The following RASGRF1 variants were observed in gnomAD, a reference collection of about 807,000 sequenced individuals.
The protein encoded by RASGRF1 is ras-specific guanine nucleotide-releasing factor 1.
RASGRF1 carries 40 observed loss-of-function variants against 138.7 expected under a neutral mutation model. The observed-to-expected ratio is 0.29, with a 90% confidence interval of 0.22 to 0.38. RASGRF1 has a LOEUF of 0.38. Ranked by LOEUF, RASGRF1 falls within the 10% of genes least tolerant of loss-of-function variation. RASGRF1 has a pLI of 1.00. For missense variants in RASGRF1, 1,108 were observed against 1,650.4 expected, an observed-to-expected ratio of 0.67 and a Z score of 5.69; for synonymous variants, 614 against 663.2, an observed-to-expected ratio of 0.93 and a Z score of 1.14.
Position 79,006,980 on chromosome 15 carries a change from C to A in RASGRF1, c.1827-546G>T, listed in dbSNP as rs964733400. Among the ~76,000 whole-genome samples the A allele has an allele frequency of 3.9e-5, 6 of 152,130 alleles. No individual in the cohort carries two copies. The highest frequency in any genetic ancestry group is 1.4e-4 in the African/African-American group (6 of 41,422). On this transcript the variant is annotated intron_variant, in intron 13 of 26. Coordinates refer to ENST00000558480, the MANE Select transcript of RASGRF1 (RefSeq NM_001145648.3). The surrounding 1 kb of genome is among the most constrained non-coding windows in gnomAD (Gnocchi z 4.0). Reference sequence around the variant, plus strand: ...TGAGCCGAGACTGTGACACTGCCCTCCAGCCTGGGTGACACAGCGAGACTC... The same window carrying A: ...TGAGCCGAGACTGTGACACTGCCCTACAGCCTGGGTGACACAGCGAGACTC...
At chr15:79,020,399 C>T (rs2056943960) in intron 10 of RASGRF1, among the ~76,000 whole-genome samples, 1 of 152,246 alleles carries the variant, frequency 6.6e-6, no homozygotes, top group Non-Finnish European at 1.5e-5. Context: ...GCCTGCTTGG[C>T]CCCTTCTTGC....
At chr15:78,991,923 C>T in intron 20 of RASGRF1, 129 bp from the exon 21 acceptor site, 1 of 671,246 alleles carries the variant, frequency 1.5e-6, no homozygotes, top group Non-Finnish European at 2.7e-6. Flanking sequence ...TATGACGCTG[C>T]CTCGAATCTG....
At chr15:79,054,965 G>A (rs2057490737) in intron 3 of RASGRF1, among the ~76,000 whole-genome samples, 1 of 152,204 alleles carries the variant, frequency 6.6e-6, no homozygotes, top group Non-Finnish European at 1.5e-5. Flanking sequence ...GCCATCAGAA[G>A]AGAGGTGGAC....
At chr15:78,980,507 A>C (rs1729939839) in intron 24 of RASGRF1, 113 bp downstream of exon 24, 2 of 777,986 alleles carry the variant, frequency 2.6e-6, no homozygotes. Flanking sequence ...GGGTAGACAG[A>C]CGAACAGACA....
At chr15:79,052,261 T>C (rs2141036152) in intron 3 of RASGRF1, among the ~76,000 whole-genome samples, 2 of 152,326 alleles carry the variant, frequency 1.3e-5, no homozygotes, top group South Asian at 4.1e-4. Context: ...CTGGAGACAC[T>C]TTCTTTAACC....
At chr15:79,034,182 C>T (rs1285754065) in intron 6 of RASGRF1, among the ~76,000 whole-genome samples, 1 of 152,240 alleles carries the variant, frequency 6.6e-6, no homozygotes, top group African/African-American at 2.4e-5. Context: ...TCTGTGCCCT[C>T]CACCTATGCA....
chr15:79,049,181 G>A (rs1030758322), intron 4 of RASGRF1, among the ~76,000 whole-genome samples: 8 of 152,104 alleles, frequency 5.3e-5, no homozygotes, highest in East Asian at 3.9e-4. Flanking sequence ...ATGGCAATGC[G>A]AGGAAAGCAG....
At chr15:79,019,094 G>A (rs1053839512) in intron 11 of RASGRF1, among the ~76,000 whole-genome samples, 3 of 151,844 alleles carry the variant, frequency 2.0e-5, no homozygotes, top group East Asian at 1.9e-4. Context: ...TTTGCCAAGC[G>A]TGTGTGTGGC....
At chr15:78,970,627 AAAAAAAAAAAAAAAAAAAG>A (rs1432886473) in intron 26 of RASGRF1, among the ~76,000 whole-genome samples, 1 of 149,434 alleles carries the variant, frequency 6.7e-6, no homozygotes, top group African/African-American at 2.4e-5. Flanking sequence ...GTCTCAAAAA[AAAAAAAAAAAAAAAAAAAG>A]AAAAAGAAAA....
intron 3 of RASGRF1, among the ~76,000 whole-genome samples, chr15:79,056,346 G>C (rs572811686): frequency 6.6e-6 from 1 of 152,314 alleles, no homozygotes; most frequent in African/African-American, 2.4e-5. Flanking sequence ...CTCCTTCCCT[G>C]ATCCCATACA....
chr15:79,010,486 T>A (rs2056774660), intron 13 of RASGRF1, among the ~76,000 whole-genome samples: 1 of 152,324 alleles, frequency 6.6e-6, no homozygotes, highest in South Asian at 2.1e-4. Context: ...CCATTAGCAA[T>A]GTCTGCCAGG....
At chr15:78,985,565 T>C (rs1035515008) in intron 22 of RASGRF1, 5 of 189,332 alleles carry the variant, frequency 2.6e-5, no homozygotes, top group African/African-American at 1.2e-4. Context: ...AATTCCCAAA[T>C]GGGAATGTAA....
At chr15:78,964,558 C>T (rs914269602) in intron 26 of RASGRF1, among the ~76,000 whole-genome samples, 2 of 152,196 alleles carry the variant, frequency 1.3e-5, no homozygotes, top group African/African-American at 2.4e-5. Context: ...TTCTTGGTAA[C>T]TTCTGAGACT....
chr15:79,077,293 C>T (rs896244415), intron 1 of RASGRF1, among the ~76,000 whole-genome samples: 4 of 152,184 alleles, frequency 2.6e-5, no homozygotes, highest in African/African-American at 9.7e-5. Context: ...CTTCAACACA[C>T]CTCTTCACTT....
chr15:79,004,219 G>A, intron 14 of RASGRF1, 44 bp from the exon 15 acceptor site: 4 of 1,513,776 alleles, frequency 2.6e-6, no homozygotes, highest in Non-Finnish European at 3.5e-6. Flanking sequence ...GCGTAGGCCT[G>A]CCTGCCCGCC....
intron 20 of RASGRF1, among the ~76,000 whole-genome samples, chr15:78,992,719 A>G (rs894782): frequency 0.71 from 108,083 of 152,030 alleles, 38,568 homozygotes; most frequent in Admixed American, 0.76. Flanking sequence ...TCATGCCTTC[A>G]CTTTTCCATG....
At chr15:78,990,973 G>T (rs569742515) in intron 21 of RASGRF1, among the ~76,000 whole-genome samples, 2 of 152,358 alleles carry the variant, frequency 1.3e-5, no homozygotes, top group Non-Finnish European at 2.9e-5. Flanking sequence ...AGGTGGGGCT[G>T]AGGCCAAAAG....
intron 15 of RASGRF1, 27 bp downstream of exon 15, chr15:79,003,775 G>T: frequency 6.4e-7 from 1 of 1,557,358 alleles, no homozygotes; most frequent in African/African-American, 1.4e-5. Context: ...GAGGCTGGGG[G>T]GCAGCTCCGA....
At chr15:79,059,750 C>T (rs1016740587) in intron 2 of RASGRF1, among the ~76,000 whole-genome samples, 4 of 152,042 alleles carry the variant, frequency 2.6e-5, no homozygotes, top group Non-Finnish European at 4.4e-5. Flanking sequence ...TAAACACACA[C>T]CCCCCACAGA....
Sources: allele counts gnomAD v4.1 joint callset (sites outside exome capture counted in the v4.1 genomes callset), GRCh38; gene constraint gnomAD v4.1.1; non-coding constraint Gnocchi (gnomAD v3.1); transcripts MANE v1.5; gene names NCBI Gene and HGNC (gene_info 2026-07-23, HGNC 2026-07-21).